The following STK32B variants were observed in gnomAD, a reference collection of about 807,000 sequenced individuals.
STK32B encodes serine/threonine kinase 32B.
In STK32B, 43 loss-of-function variants were observed where a neutral mutation model predicts 52.6. The observed-to-expected ratio is 0.82, with a 90% CI of 0.64 to 1.05. The LOEUF (loss-of-function observed/expected upper bound fraction) is 1.05, where lower values mean the gene tolerates loss of function less well. STK32B is among the 50% of genes least tolerant of loss of function. The pLI is 0.00. For missense variants in STK32B, 621 were observed against 534.6 expected (o/e 1.16, Z -1.59); for synonymous variants, 238 against 204.3 (o/e 1.17, Z -1.41).
intron 3 of STK32B, among the ~76,000 whole-genome samples, chr4:5,174,636 C>G (rs979495892): frequency 6.6e-5 from 10 of 152,208 alleles, no homozygotes; most frequent in African/African-American, 2.2e-4. Flanking sequence ...GGCCTCCACT[C>G]TCTTCTGGCT....
At chr4:5,320,897 T>G (rs933378597) in intron 3 of STK32B, among the ~76,000 whole-genome samples, 1 of 152,220 alleles carries the variant, frequency 6.6e-6, no homozygotes. Flanking sequence ...GGGAAATACA[T>G]TCTTAGTGTC....
chr4:5,498,749 C>A (rs1348155984), intron 11 of STK32B, among the ~76,000 whole-genome samples, 196 bp from the exon 12 acceptor site: 4 of 152,224 alleles, frequency 2.6e-5, no homozygotes, highest in Non-Finnish European at 5.9e-5. Context: ...CCCAAGTGCA[C>A]CTGAGCTGCG....
At chr4:5,358,518 AC>A (rs1484266281) in intron 4 of STK32B, among the ~76,000 whole-genome samples, 1 of 152,152 alleles carries the variant, frequency 6.6e-6, no homozygotes, top group East Asian at 1.9e-4. Flanking sequence ...GGCACTCAAT[AC>A]ACAATAATGG....
At chr4:5,311,916 T>TATATATATA (rs201864559) in intron 3 of STK32B, among the ~76,000 whole-genome samples, 4 of 130,364 alleles carry the variant, frequency 3.1e-5, no homozygotes, top group South Asian at 2.3e-4. Flanking sequence ...ATATATATAT[T>TATATATATA]TTTTTTTAAA....
At chr4:5,436,748 C>T in intron 6 of STK32B, 1 of 914,050 alleles carries the variant, frequency 1.1e-6, no homozygotes, top group Non-Finnish European at 1.3e-6. Flanking sequence ...ACCTAGGAGT[C>T]AGGACCAAGA....
intron 3 of STK32B, among the ~76,000 whole-genome samples, chr4:5,329,555 C>T (rs939579915): frequency 1.3e-5 from 2 of 152,178 alleles, no homozygotes; most frequent in Middle Eastern, 3.2e-3. Flanking sequence ...TCGCCTGCAC[C>T]CTGGAAAGAC....
At chr4:5,207,644 ATAT>A (rs1344670223) in intron 3 of STK32B, among the ~76,000 whole-genome samples, 2 of 151,882 alleles carry the variant, frequency 1.3e-5, no homozygotes, top group East Asian at 4.0e-4. Context: ...GAGAGGGAAA[ATAT>A]TATTTTCTCA....
chr4:5,269,016 C>T (rs1306811283), intron 3 of STK32B, among the ~76,000 whole-genome samples: 3 of 152,016 alleles, frequency 2.0e-5, no homozygotes, highest in Non-Finnish European at 4.4e-5. Flanking sequence ...GAAGCAGGAA[C>T]TGAGGAAGAG....
intron 3 of STK32B, among the ~76,000 whole-genome samples, chr4:5,314,838 A>G (rs1056929802): frequency 6.6e-6 from 1 of 152,204 alleles, no homozygotes; most frequent in African/African-American, 2.4e-5. Context: ...TTATTAAATG[A>G]AGGAGATAAA....
chr4:5,032,330 G>A, the STK32B span, among the ~76,000 whole-genome samples: 8 of 151,616 alleles, frequency 5.3e-5, no homozygotes, highest in East Asian at 3.9e-4. Context: ...AAAATTAGCC[G>A]GGCGTGGTGG....
At chr4:5,268,536 GTGGTGTGTGT>G (rs1484990449) in intron 3 of STK32B, among the ~76,000 whole-genome samples, 4 of 131,526 alleles carry the variant, frequency 3.0e-5, no homozygotes, top group Admixed American at 8.5e-5. Flanking sequence ...GTTGCTTGGT[GTGGTGTGTGT>G]GTGTGTGTGT....
intron 3 of STK32B, among the ~76,000 whole-genome samples, chr4:5,294,263 C>G (rs1729058797): frequency 6.6e-6 from 1 of 152,114 alleles, no homozygotes. Flanking sequence ...ATTGTCTTGG[C>G]TGTACAGGCT....
At chr4:5,482,934 A>G (rs113292027) in intron 11 of STK32B, among the ~76,000 whole-genome samples, 2,117 of 150,856 alleles carry the variant, frequency 0.014, 23 homozygotes, top group African/African-American at 0.05. Context: ...CCAGGGATGT[A>G]GCCCACTTGA....
intron 3 of STK32B, among the ~76,000 whole-genome samples, chr4:5,295,811 G>A (rs935090182): frequency 6.6e-6 from 1 of 151,990 alleles, no homozygotes; most frequent in African/African-American, 2.4e-5. Flanking sequence ...TCTTCTACTA[G>A]CTTTTGAATT....
At chr4:5,020,669 T>C in the STK32B span, among the ~76,000 whole-genome samples, 1 of 152,114 alleles carries the variant, frequency 6.6e-6, no homozygotes, top group African/African-American at 2.4e-5. Flanking sequence ...AGCAGGACTC[T>C]TGCAGGCAGA....
chr4:5,492,227 C>A (rs1719796009), intron 11 of STK32B, among the ~76,000 whole-genome samples: 1 of 152,124 alleles, frequency 6.6e-6, no homozygotes, highest in South Asian at 2.1e-4. Flanking sequence ...AATGTTCTTC[C>A]ATTTCTTTGT....
intron 3 of STK32B, among the ~76,000 whole-genome samples, chr4:5,206,460 A>G (rs1161841052): frequency 6.6e-6 from 1 of 152,064 alleles, no homozygotes; most frequent in Non-Finnish European, 1.5e-5. Flanking sequence ...TATTGCATGG[A>G]GAGATCACAG....
At chr4:5,366,258 A>G (rs7697839) in intron 4 of STK32B, among the ~76,000 whole-genome samples, 7,667 of 152,262 alleles carry the variant, frequency 0.05, 305 homozygotes, top group African/African-American at 0.1. Context: ...GGGTTGAAGC[A>G]ATAAAGGGAA....
At chr4:5,447,851 A>T (rs1176525760) in intron 7 of STK32B, among the ~76,000 whole-genome samples, 1 of 152,222 alleles carries the variant, frequency 6.6e-6, no homozygotes, top group Admixed American at 6.5e-5. Context: ...CCTGAGACTC[A>T]TCTCCATAGC....
Sources: gnomAD v4.1 joint callset for allele counts (sites outside exome capture counted in the v4.1 genomes callset) on GRCh38, gnomAD v4.1.1 for gene constraint, MANE v1.5 for transcripts, NCBI Gene and HGNC (gene_info 2026-07-23, HGNC 2026-07-21) for gene names.